The following RGSL1 variants were observed in gnomAD, a reference collection of about 807,000 sequenced individuals.
RGSL1 encodes regulator of G protein signaling like 1, also known as regulator of G protein signaling protein-like.
A neutral mutation model predicts 124.7 loss-of-function variants in RGSL1; 97 were observed. That is an observed-to-expected ratio of 0.78 (90% CI 0.66 to 0.92). The LOEUF is 0.92. Among genes scored for constraint, RGSL1 ranks in the 40% least tolerant of loss-of-function variants. The pLI, the probability that RGSL1 is intolerant of heterozygous loss-of-function variation, is 0.00. For synonymous variants in RGSL1, 424 were observed against 438.1 expected (o/e 0.97, Z 0.40); for missense variants, 1,233 against 1,288.4 (o/e 0.96, Z 0.66).
At chr1:182,544,034 T>C (rs565218141) in intron 15 of RGSL1, among the ~76,000 whole-genome samples, 1 of 152,170 alleles carries the variant, frequency 6.6e-6, no homozygotes, top group East Asian at 1.9e-4. Flanking sequence ...TTTTATTCTT[T>C]CTACTAATTT....
chr1:182,468,510 C>G (rs796320838), intron 4 of RGSL1, among the ~76,000 whole-genome samples: 1 of 152,072 alleles, frequency 6.6e-6, no homozygotes, highest in East Asian at 1.9e-4. Context: ...AGCAAACTAT[C>G]GCAAGGACAA....
intron 4 of RGSL1, among the ~76,000 whole-genome samples, chr1:182,466,859 A>G (rs1281693135): frequency 6.6e-6 from 1 of 152,172 alleles, no homozygotes; most frequent in Non-Finnish European, 1.5e-5. Flanking sequence ...AACAGCCATA[A>G]CAATTTTGAA....
intron 9 of RGSL1, among the ~76,000 whole-genome samples, chr1:182,499,171 C>A (rs1392408785): frequency 6.6e-6 from 1 of 152,178 alleles, no homozygotes; most frequent in Admixed American, 6.5e-5. Context: ...GTGAAGATTT[C>A]TGTAGATGCC....
intron 14 of RGSL1, among the ~76,000 whole-genome samples, chr1:182,538,226 TC>T: frequency 6.6e-6 from 1 of 152,250 alleles, no homozygotes; most frequent in Non-Finnish European, 1.5e-5. Flanking sequence ...AAGTGGACGT[TC>T]CGATAAAAAA....
chr1:182,506,438 C>T (rs1442505079), intron 9 of RGSL1, among the ~76,000 whole-genome samples: 2 of 152,098 alleles, frequency 1.3e-5, no homozygotes, highest in Non-Finnish European at 2.9e-5. Flanking sequence ...TTTGAGTCTA[C>T]ATTGTTAGAT....
In RGSL1 at chr1:182,532,786, A is replaced by T; in HGVS notation, c.2489A>T (p.Lys830Met). ...DYLHQEMQNSKENFTTAHNTS... is the reference protein window; with the variant it reads ...DYLHQEMQNSMENFTTAHNTS... ...CTTCACCAGGAAATGCAAAATAGCA[A>T]GGAAAGTAAGTCATTTCTGTATTTA... The change falls in exon 14 of 22, where the codon AAG becomes ATG. Residue 830 changes from lysine to methionine, a missense_variant. By Grantham distance (95) the Lys-to-Met change is moderately conservative. Coordinates refer to ENST00000294854, the MANE Select transcript of RGSL1 (RefSeq NM_001137669.2). 6.5e-7 allele frequency: 1 copy of T among 1,550,162 alleles called. No homozygotes were observed. Among genetic ancestry groups the T allele is most frequent in the Non-Finnish European group, 8.7e-7 (1 of 1,145,942 alleles).
chr1:182,508,372 C>T (rs1657006470), intron 9 of RGSL1, among the ~76,000 whole-genome samples: 1 of 138,146 alleles, frequency 7.2e-6, no homozygotes, highest in Non-Finnish European at 1.5e-5. Context: ...TGATTTCGGC[C>T]CACTGCAACC....
Position 182,492,827 on chromosome 1 carries a change from C to T in RGSL1, c.1718-195C>T. The T allele has an allele frequency of 5.5e-6, 3 of 542,340 alleles. No homozygotes were observed. In the South Asian group the frequency reaches 6.7e-5, roughly 12 times the overall value. 33.6% of individuals were successfully genotyped at this position (542,340 alleles called of 1,614,324 possible). On this transcript the variant is annotated intron_variant, in intron 8 of 21. Coordinates refer to ENST00000294854, the MANE Select transcript of RGSL1 (RefSeq NM_001137669.2). Reference sequence around the variant, plus strand: ...TGTATTTTTAGTAGAGACAGGGTTTCACCATGTTAGTCAGGATGGTCTCAA... The same window carrying T: ...TGTATTTTTAGTAGAGACAGGGTTTTACCATGTTAGTCAGGATGGTCTCAA...
chr1:182,482,704 A>T (rs75124241), intron 6 of RGSL1, among the ~76,000 whole-genome samples: 2,160 of 152,322 alleles, frequency 0.014, 44 homozygotes, highest in African/African-American at 0.046. Flanking sequence ...TATGGAAAAC[A>T]GTATGCAGGT....
intron 14 of RGSL1, among the ~76,000 whole-genome samples, chr1:182,539,390 A>G (rs1365550786): frequency 1.3e-5 from 2 of 152,204 alleles, no homozygotes; most frequent in Non-Finnish European, 2.9e-5. Flanking sequence ...CTGAGACATG[A>G]CAAGTGCTAG....
intron 4 of RGSL1, among the ~76,000 whole-genome samples, chr1:182,461,202 G>A (rs1249666327): frequency 2.0e-5 from 3 of 151,806 alleles, no homozygotes; most frequent in African/African-American, 7.3e-5. Flanking sequence ...TGCATATATG[G>A]AGAAAATTAG....
At chr1:182,468,243 T>C (rs1437185814) in intron 4 of RGSL1, among the ~76,000 whole-genome samples, 2 of 152,202 alleles carry the variant, frequency 1.3e-5, no homozygotes, top group Non-Finnish European at 2.9e-5. Flanking sequence ...GAAATACCAT[T>C]TGACCCAGCC....
At chr1:182,471,087 C>T (rs1236614337) in intron 4 of RGSL1, among the ~76,000 whole-genome samples, 2 of 152,088 alleles carry the variant, frequency 1.3e-5, no homozygotes, top group East Asian at 3.9e-4. Flanking sequence ...TGGGTCCCTC[C>T]CATGAACCTT....
chr1:182,536,655 TCA>T (rs1659560973), intron 14 of RGSL1, among the ~76,000 whole-genome samples: 1 of 152,206 alleles, frequency 6.6e-6, no homozygotes, highest in African/African-American at 2.4e-5. Flanking sequence ...TTTAACGGAC[TCA>T]CAGTTCCATG....
At chr1:182,464,286 C>G (rs939539060) in intron 4 of RGSL1, among the ~76,000 whole-genome samples, 5 of 152,032 alleles carry the variant, frequency 3.3e-5, no homozygotes, top group African/African-American at 9.7e-5. Context: ...AGAAAAAGAA[C>G]AGCAAATTAA....
intron 4 of RGSL1, among the ~76,000 whole-genome samples, chr1:182,465,016 T>C (rs935653763): frequency 5.3e-5 from 8 of 150,324 alleles, no homozygotes; most frequent in Non-Finnish European, 1.0e-4. Context: ...TTTGAGGCTG[T>C]AATGAGGCAT....
At chr1:182,486,939 T>G (rs2102084075) in intron 6 of RGSL1, among the ~76,000 whole-genome samples, 1 of 152,292 alleles carries the variant, frequency 6.6e-6, no homozygotes, top group Admixed American at 6.5e-5. Context: ...CCTTCCAAAG[T>G]GCTAGGATTA....
At chr1:182,541,334 C>A (rs1184983701) in intron 15 of RGSL1, among the ~76,000 whole-genome samples, 2 of 152,160 alleles carry the variant, frequency 1.3e-5, no homozygotes, top group African/African-American at 2.4e-5. Flanking sequence ...ATTTGTCCTT[C>A]TGTGTTTGAC....
chr1:182,530,709 C>A, intron 12 of RGSL1, 81 bp from the exon 13 acceptor site: 1 of 1,402,038 alleles, frequency 7.1e-7, no homozygotes, highest in South Asian at 1.6e-5. Flanking sequence ...CCTCCAGAAG[C>A]TGAGGTAGGT....
Sources: gnomAD v4.1 joint callset for allele counts (sites outside exome capture counted in the v4.1 genomes callset) on GRCh38, gnomAD v4.1.1 for gene constraint, MANE v1.5 for transcripts, NCBI Gene and HGNC (gene_info 2026-07-23, HGNC 2026-07-21) for gene names.